AGAP1: variants seen among roughly 807,000 people sequenced by gnomAD.
AGAP1 encodes arf-GAP with GTPase, ANK repeat and PH domain-containing protein 1.
A neutral mutation model predicts 105.3 loss-of-function variants in AGAP1; 29 were observed. The ratio of observed to expected loss-of-function variants is 0.28; its 90% CI spans 0.21 to 0.38. AGAP1 has a LOEUF of 0.38. AGAP1 is among the 10% of genes least tolerant of loss of function. AGAP1 has a pLI of 1.00. For missense variants in AGAP1, 998 were observed against 1,165.1 expected (o/e 0.86, Z 2.09); for synonymous variants, 509 against 485.9 (o/e 1.05, Z -0.63).
Position 236,095,418 on chromosome 2 carries a change from TG to T in AGAP1, c.2115-24773del, listed in dbSNP as rs2059168658. Among the ~76,000 whole-genome samples the T allele has an allele frequency of 6.6e-6, 1 of 151,716 alleles. No homozygotes were observed. Reference sequence around the variant, plus strand: ...TCTTGGCTGGGCACAGTGGCTCACGTGTGTAATCCCAGCACTTTTGGAGGCT... The same window carrying T: ...TCTTGGCTGGGCACAGTGGCTCACGTTGTAATCCCAGCACTTTTGGAGGCT... On this transcript the variant is annotated intron_variant, in intron 16 of 17. Transcript: ENST00000304032. This position sits in a 1 kb window ranked among gnomAD's most constrained non-coding sequence, Gnocchi z 4.1.
rs1944658977 is a variant in AGAP1, at chr2:235,574,080, C to T, written c.163+79231C>T. Among the ~76,000 whole-genome samples, 1 of 152,226 alleles carries T rather than the reference C, an allele frequency of 6.6e-6. No individual in the cohort carries two copies. The highest frequency in any genetic ancestry group is 6.5e-5 in the Admixed American group (1 of 15,292). On this transcript the variant is annotated intron_variant, in intron 1 of 17. Coordinates refer to ENST00000304032, the MANE Select transcript of AGAP1 (RefSeq NM_001037131.3). The surrounding 1 kb of genome is among the most constrained non-coding windows in gnomAD (Gnocchi z 5.0). Reference sequence around the variant, plus strand: ...AGGGCCTGGGTGCCTTGGGGCCTGTCCTATCTGAGGTCCACAGCCTGCAGG... The same window carrying T: ...AGGGCCTGGGTGCCTTGGGGCCTGTTCTATCTGAGGTCCACAGCCTGCAGG...
At chr2:235,956,977 C>T (rs573248733) in intron 12 of AGAP1, among the ~76,000 whole-genome samples, 16 of 152,330 alleles carry the variant, frequency 1.1e-4, no homozygotes, top group Non-Finnish European at 2.2e-4. Context: ...TTTAATACAA[C>T]GACCTCTCCC....
At position 236,038,792 on chromosome 2, in the gene AGAP1, C is replaced by G. The variant is rs747643831; in HGVS notation, c.1801-1959C>G. On this transcript the variant is annotated intron_variant, in intron 14 of 17. Coordinates refer to ENST00000304032, the MANE Select transcript of AGAP1 (RefSeq NM_001037131.3). This position sits in a 1 kb window ranked among gnomAD's most constrained non-coding sequence, Gnocchi z 4.5. The stretch of plus-strand genomic sequence containing the variant: ...CAACCACAGAAATGATACAGGTACA[C>G]AGAGAGACAGAGGCACATCCCTTTG... Among the ~76,000 whole-genome samples the G allele has an allele frequency of 1.0e-4, 15 of 148,342 alleles. No homozygotes were observed. The highest frequency in any genetic ancestry group is 3.4e-4 in the Admixed American group (5 of 14,824).
At chr2:236,068,270 CAA>C (rs985209643) in intron 16 of AGAP1, among the ~76,000 whole-genome samples, 1 of 151,258 alleles carries the variant, frequency 6.6e-6, no homozygotes. Flanking sequence ...GACTCCATCT[CAA>C]AAAAACAAAA....
Position 235,882,373 on chromosome 2 carries a change from C to A in AGAP1, c.1051-972C>A. The A allele has an allele frequency of 2.0e-6, 3 of 1,483,538 alleles. No individual in the cohort carries two copies. Among genetic ancestry groups the A allele is most frequent in the South Asian group, 1.2e-5 (1 of 85,650 alleles). 91.9% of individuals were successfully genotyped at this position (1,483,538 alleles called of 1,614,324 possible). On this transcript the variant is annotated intron_variant, in intron 9 of 17. Coordinates refer to ENST00000304032, the MANE Select transcript of AGAP1 (RefSeq NM_001037131.3). This position sits in a 1 kb window ranked among gnomAD's most constrained non-coding sequence, Gnocchi z 4.6. ...AATCCTCCGGGCTCTTAGGAAATTT[C>A]ACTCCGCTTCTGCCCAGTGGTCTCT...
chr2:235,862,014 G>T (rs2048946577), intron 9 of AGAP1, among the ~76,000 whole-genome samples: 1 of 152,152 alleles, frequency 6.6e-6, no homozygotes, highest in East Asian at 1.9e-4. Context: ...CTTTTCGTCA[G>T]AGATCAAAAC....
At chr2:236,081,084 A>T (rs1576256699) in intron 16 of AGAP1, among the ~76,000 whole-genome samples, 1 of 152,292 alleles carries the variant, frequency 6.6e-6, no homozygotes, top group East Asian at 1.9e-4. Context: ...CATGTCATCA[A>T]ACCCCCATGA....
At chr2:235,742,045 G>A (rs1346032520) in intron 4 of AGAP1, among the ~76,000 whole-genome samples, 2 of 152,078 alleles carry the variant, frequency 1.3e-5, no homozygotes, top group South Asian at 2.1e-4. Context: ...GAGCCACCGC[G>A]CCCGACCCAT....
intron 13 of AGAP1, among the ~76,000 whole-genome samples, chr2:235,986,742 A>C (rs983732125): frequency 6.6e-4 from 100 of 152,120 alleles, no homozygotes; most frequent in African/African-American, 2.3e-3. Context: ...TGTGGTTTTT[A>C]TCTTTGGTTC....
In AGAP1 at chr2:235,737,657, G is replaced by A. The variant is rs938379747; in HGVS notation, c.311-3306G>A. On this transcript the variant is annotated intron_variant, in intron 3 of 17. Transcript: ENST00000304032. The surrounding 1 kb of genome is among the most constrained non-coding windows in gnomAD (Gnocchi z 4.5). ...TGGACGTGAAATCCGTCCTATGCAT[G>A]CTCACCTGACATGCAACAGGGAGGG... Among the ~76,000 whole-genome samples, 3 of 152,184 alleles carry A rather than the reference G, an allele frequency of 2.0e-5. No individual in the cohort carries two copies. The highest frequency in any genetic ancestry group is 7.2e-5 in the African/African-American group (3 of 41,444).
chr2:236,012,267 C>T lies in AGAP1; in HGVS notation c.1646-24294C>T, dbSNP rs532932354. On this transcript the variant is annotated intron_variant, in intron 13 of 17. Transcript: ENST00000304032. This position sits in a 1 kb window ranked among gnomAD's most constrained non-coding sequence, Gnocchi z 4.9. ...AGCGGGCGAGGAAAGAGGCTTTCTG[C>T]ACTCGGGCACCCCTCCCCTCCCGAG... 6.6e-5 allele frequency among the ~76,000 whole-genome samples: 10 copies of T among 152,118 alleles called. No individual in the cohort carries two copies. The South Asian group carries it at 1.9e-3, about 28-fold the overall frequency.
intron 16 of AGAP1, among the ~76,000 whole-genome samples, chr2:236,065,240 G>A (rs1383203235): frequency 6.6e-6 from 1 of 152,180 alleles, no homozygotes; most frequent in African/African-American, 2.4e-5. Context: ...CCAAGCCAAG[G>A]GAAGTTCAAT....
chr2:235,835,045 C>T (rs1008252124), intron 9 of AGAP1, among the ~76,000 whole-genome samples: 1 of 152,214 alleles, frequency 6.6e-6, no homozygotes, highest in Non-Finnish European at 1.5e-5. Flanking sequence ...CATCCTCGCC[C>T]CTCGGCCTCA....
intron 1 of AGAP1, among the ~76,000 whole-genome samples, chr2:235,626,825 A>G (rs955622415): frequency 2.0e-5 from 3 of 152,236 alleles, no homozygotes; most frequent in Non-Finnish European, 4.4e-5. Context: ...GGAGAGGTAC[A>G]GACACAAATT....
intron 8 of AGAP1, among the ~76,000 whole-genome samples, chr2:235,800,710 T>C (rs1156921798): frequency 6.6e-6 from 1 of 152,296 alleles, no homozygotes; most frequent in Admixed American, 6.5e-5. Flanking sequence ...TGGAGAAACT[T>C]TGGGCTCTCA....
Position 235,716,649 on chromosome 2 carries a change from A to G in AGAP1, c.223-908A>G, listed in dbSNP as rs1031629190. Among the ~76,000 whole-genome samples, 11 of 152,058 alleles carry G rather than the reference A, an allele frequency of 7.2e-5. No homozygotes were observed. The highest frequency in any genetic ancestry group is 2.7e-4 in the African/African-American group (11 of 41,396). On this transcript the variant is annotated intron_variant, in intron 2 of 17. Coordinates refer to ENST00000304032, the MANE Select transcript of AGAP1 (RefSeq NM_001037131.3). This position sits in a 1 kb window ranked among gnomAD's most constrained non-coding sequence, Gnocchi z 4.0. Reference sequence around the variant, plus strand: ...CTAGCGATGTTCTAGTGGGGGAGGAAAAGGTTAAAATGCAGGAGATTTTTG... The same window carrying G: ...CTAGCGATGTTCTAGTGGGGGAGGAGAAGGTTAAAATGCAGGAGATTTTTG...
At chr2:235,643,763 G>C (rs979349383) in intron 1 of AGAP1, among the ~76,000 whole-genome samples, 2 of 152,102 alleles carry the variant, frequency 1.3e-5, no homozygotes, top group Non-Finnish European at 2.9e-5. Context: ...GCCAGAAACT[G>C]CTGCAGCGCA....
intron 16 of AGAP1, among the ~76,000 whole-genome samples, chr2:236,094,263 T>C (rs1164721388): frequency 6.6e-6 from 1 of 150,826 alleles, no homozygotes; most frequent in African/African-American, 2.4e-5. Flanking sequence ...CAGGTCAGCC[T>C]GGGCAACATA....
At position 235,919,798 on chromosome 2, in the gene AGAP1, CCAAA is replaced by C. The variant is rs1338369124; in HGVS notation, c.1324+10897_1324+10900del. Among the ~76,000 whole-genome samples, 2 of 152,112 alleles carry C rather than the reference CCAAA, an allele frequency of 1.3e-5. No homozygotes were observed. Reference sequence around the variant, plus strand: ...CCGTTATTCATGGCAAAGGAAGACACCAAACAAAGAAAAATTCTTTTCTTCTCCG... The same window carrying C: ...CCGTTATTCATGGCAAAGGAAGACACCAAAGAAAAATTCTTTTCTTCTCCG... On this transcript the variant is annotated intron_variant, in intron 11 of 17. Transcript: ENST00000304032. The surrounding 1 kb of genome is among the most constrained non-coding windows in gnomAD (Gnocchi z 4.1).
Sources: allele counts gnomAD v4.1 joint callset (sites outside exome capture counted in the v4.1 genomes callset), GRCh38; gene constraint gnomAD v4.1.1; non-coding constraint Gnocchi (gnomAD v3.1); transcripts MANE v1.5; gene names NCBI Gene and HGNC (gene_info 2026-07-23, HGNC 2026-07-21).